DENND2C: variants seen among roughly 807,000 people sequenced by gnomAD.
The protein encoded by DENND2C is DENN domain containing 2C.
In DENND2C, 72 loss-of-function variants were observed where a neutral mutation model predicts 112.4. That is an observed-to-expected ratio of 0.64 (90% CI 0.53 to 0.78). The LOEUF (loss-of-function observed/expected upper bound fraction) is 0.78. DENND2C is among the 30% of genes least tolerant of loss of function. The pLI is 0.00. For synonymous variants in DENND2C, 329 were observed against 381.6 expected (o/e 0.86, Z 1.61); for missense variants, 992 against 1,113.8 (o/e 0.89, Z 1.56).
At chr1:114,629,282 T>G (rs1472682622) in intron 3 of DENND2C, among the ~76,000 whole-genome samples, 1 of 152,172 alleles carries the variant, frequency 6.6e-6, no homozygotes, top group African/African-American at 2.4e-5. Context: ...CAAGCATGAC[T>G]TTTTTCTTTT....
intron 3 of DENND2C, among the ~76,000 whole-genome samples, chr1:114,635,583 G>A (rs979827234): frequency 9.9e-5 from 15 of 152,062 alleles, no homozygotes; most frequent in African/African-American, 3.6e-4. Context: ...GAAAACAGAG[G>A]AAGTAGAAAC....
At chr1:114,653,565 A>G (rs772734438) in intron 2 of DENND2C, among the ~76,000 whole-genome samples, 2 of 152,184 alleles carry the variant, frequency 1.3e-5, no homozygotes, top group Non-Finnish European at 2.9e-5. Flanking sequence ...CAACAATGGT[A>G]CCAGTGAGAG....
chr1:114,590,865 TG>T (rs1226111848), intron 18 of DENND2C, among the ~76,000 whole-genome samples: 2 of 152,072 alleles, frequency 1.3e-5, no homozygotes, highest in Non-Finnish European at 2.9e-5. Flanking sequence ...CAAACTACAC[TG>T]TTGGGTTGTA....
rs573274307 is a variant in DENND2C, at chr1:114,663,515, G to A, written c.-574+6468C>T. Among the ~76,000 whole-genome samples the A allele has an allele frequency of 5.9e-5, 9 of 152,288 alleles. No homozygotes were observed. In the South Asian group the frequency reaches 1.9e-3, roughly 32 times the overall value. On this transcript the variant is annotated intron_variant, in intron 1 of 20. Coordinates refer to ENST00000393274, the MANE Select transcript of DENND2C (RefSeq NM_001256404.2). ...GAAATGTACTAGAATTTAAAAACAG[G>A]AGGTATGATTTCGAAGAACCATGAT...
chr1:114,612,927 C>T (rs563982045), intron 8 of DENND2C, among the ~76,000 whole-genome samples: 1 of 152,320 alleles, frequency 6.6e-6, no homozygotes, highest in East Asian at 1.9e-4. Context: ...TCCCAAAGTG[C>T]TGGAGTTACA....
intron 9 of DENND2C, among the ~76,000 whole-genome samples, chr1:114,610,035 C>G (rs1367698434): frequency 6.6e-6 from 1 of 152,134 alleles, no homozygotes; most frequent in Non-Finnish European, 1.5e-5. Context: ...CAATTCAGGC[C>G]AGTGGAGGGA....
chr1:114,590,029 T>C (rs1655142051), intron 18 of DENND2C, among the ~76,000 whole-genome samples: 1 of 152,236 alleles, frequency 6.6e-6, no homozygotes, highest in Non-Finnish European at 1.5e-5. Context: ...TTTGTATGTC[T>C]TTGAACGGTA....
intron 18 of DENND2C, 89 bp from the exon 19 acceptor site, chr1:114,588,041 T>A: frequency 9.2e-7 from 1 of 1,082,832 alleles, no homozygotes; most frequent in Non-Finnish European, 1.3e-6. Flanking sequence ...AAGTCGTGCC[T>A]AAGAAGTTAT....
chr1:114,663,444 T>A (rs1657554823), intron 1 of DENND2C, among the ~76,000 whole-genome samples: 1 of 152,216 alleles, frequency 6.6e-6, no homozygotes, highest in South Asian at 2.1e-4. Flanking sequence ...TATTTTCCAT[T>A]TAAATGAGAA....
chr1:114,644,768 T>C (rs1381260876), intron 3 of DENND2C, among the ~76,000 whole-genome samples: 2 of 152,162 alleles, frequency 1.3e-5, no homozygotes, highest in Non-Finnish European at 2.9e-5. Flanking sequence ...ATATACGTTG[T>C]TACAATTTGA....
chr1:114,602,175 A>G lies in DENND2C; in HGVS notation c.1687T>C (p.Leu563=), dbSNP rs527592489. ...ELKSETFSFV[L]TGEDGSRWFG... is the part of the protein sequence containing the mutation. ...CACCGGCTTCCATCTTCACCAGTCA[A>G]GACAAAGGAGAATGTTTCACTGAAA... The change falls in exon 12 of 21, where the codon TTG becomes CTG. Residue 563 remains leucine, a synonymous_variant. Coordinates refer to ENST00000393274, the MANE Select transcript of DENND2C (RefSeq NM_001256404.2). 26 of 1,613,870 alleles carry G rather than the reference A, an allele frequency of 1.6e-5. No homozygotes were observed. In the African/African-American group the frequency reaches 2.3e-4, roughly 14 times the overall value.
intron 8 of DENND2C, among the ~76,000 whole-genome samples, chr1:114,612,540 G>C (rs1445030395): frequency 2.1e-5 from 3 of 145,686 alleles, no homozygotes; most frequent in African/African-American, 7.6e-5. Context: ...TTTTTTTTGA[G>C]ACAGAGTCTC....
At chr1:114,615,893 G>GT (rs1346210922) in intron 8 of DENND2C, among the ~76,000 whole-genome samples, 1 of 152,052 alleles carries the variant, frequency 6.6e-6, no homozygotes, top group Non-Finnish European at 1.5e-5. Context: ...GGCTAACATG[G>GT]TGAAACCCCG....
Position 114,623,031 on chromosome 1 carries a change from C to G in DENND2C, c.1012G>C (p.Ala338Pro), listed in dbSNP as rs1048870554. 5.0e-6 allele frequency: 8 copies of G among 1,613,280 alleles called. No individual in the cohort carries two copies. In the African/African-American group the frequency reaches 1.1e-4, roughly 22 times the overall value. Reference protein sequence around the residue: ...QPLPMWRSPSAWKLPPAKSAF... With the variant: ...QPLPMWRSPSPWKLPPAKSAF... ...CTTTTAGCGGGTGGTAGCTTCCATGCTGAAGGGGATCTCCACATAGGTAAA... is the reference window on the plus strand; with the variant it reads ...CTTTTAGCGGGTGGTAGCTTCCATGGTGAAGGGGATCTCCACATAGGTAAA... The change falls in exon 6 of 21, where the codon GCA becomes CCA. Residue 338 changes from alanine to proline, a missense_variant. By Grantham distance (27) the Ala-to-Pro change is conservative. This residue lies in a region of DENND2C where 470 missense variants were observed against 472.7 expected (regional missense o/e 0.99). Coordinates refer to ENST00000393274, the MANE Select transcript of DENND2C (RefSeq NM_001256404.2).
chr1:114,663,429 G>T (rs1005822844), intron 1 of DENND2C, among the ~76,000 whole-genome samples: 5 of 152,164 alleles, frequency 3.3e-5, no homozygotes, highest in African/African-American at 1.2e-4. Flanking sequence ...AACCAGTAAA[G>T]GGAGTATTTT....
At chr1:114,590,882 T>C (rs1391568140) in intron 18 of DENND2C, among the ~76,000 whole-genome samples, 1 of 152,118 alleles carries the variant, frequency 6.6e-6, no homozygotes, top group East Asian at 1.9e-4. Context: ...TTGTAGGATA[T>C]GTACACCTTT....
chr1:114,659,322 G>A (rs1010481091), intron 1 of DENND2C, among the ~76,000 whole-genome samples: 9 of 152,120 alleles, frequency 5.9e-5, no homozygotes, highest in South Asian at 2.1e-4. Flanking sequence ...TCAACACGGC[G>A]AAACCCTGTC....
intron 1 of DENND2C, among the ~76,000 whole-genome samples, chr1:114,662,269 C>A (rs1459454299): frequency 6.6e-6 from 1 of 152,076 alleles, no homozygotes; most frequent in African/African-American, 2.4e-5. Context: ...AAACACATCC[C>A]ACACAGCTGG....
chr1:114,595,797 C>A, intron 17 of DENND2C, 35 bp downstream of exon 17: 1 of 1,589,392 alleles, frequency 6.3e-7, no homozygotes, highest in Admixed American at 1.7e-5. Context: ...GACATTTATC[C>A]TAAAACATAA....
Sources: gnomAD v4.1 joint callset for allele counts (sites outside exome capture counted in the v4.1 genomes callset) on GRCh38, gnomAD v4.1.1 for gene constraint, gnomAD v4.1.1 regional missense constraint, MANE v1.5 for transcripts, NCBI Gene and HGNC (gene_info 2026-07-23, HGNC 2026-07-21) for gene names.